Variants in ZNF415 observed in about 807,000 individuals in gnomAD.
ZNF415 encodes zinc finger protein 415.
Under a neutral mutation model 7.3 loss-of-function variants are expected in ZNF415, and 5 were observed. The ratio of observed to expected loss-of-function variants is 0.69; its 90% confidence interval spans 0.36 to 1.44. The LOEUF is 1.44. Ranked by LOEUF, ZNF415 falls within the 40% of genes most tolerant of loss-of-function variation. The pLI is 0.04. For missense variants in ZNF415, 628 were observed against 664.8 expected, an observed-to-expected ratio of 0.94 and a Z score of 0.61; for synonymous variants, 207 against 226.3, an observed-to-expected ratio of 0.91 and a Z score of 0.77.
At chr19:53,112,651 A>C (rs1379339573) in intron 3 of ZNF415, among the ~76,000 whole-genome samples, 1 of 152,244 alleles carries the variant, frequency 6.6e-6, no homozygotes, top group African/African-American at 2.4e-5. Flanking sequence ...CTAAAAAGCA[A>C]CAGTATATTC....
chr19:53,127,532 C>G (rs2089355822), intron 1 of ZNF415, among the ~76,000 whole-genome samples: 1 of 152,188 alleles, frequency 6.6e-6, no homozygotes, highest in South Asian at 2.1e-4. Context: ...ATCCTAATAT[C>G]TTCCAAGAAA....
rs768818058 is a variant in ZNF415, at chr19:53,116,315, A to T, written c.134T>A (p.Leu45Gln). The change falls in exon 3 of 4, where the codon CTG (leucine) becomes CAG (glutamine). Residue 45 changes from leucine to glutamine, a missense_variant and splice_region_variant. Coordinates refer to ENST00000243643, the MANE Select transcript of ZNF415 (RefSeq NM_018355.4). ...TTCTGGAAGAAAATTATCCTCACCC[A>T]GGGAGACCAGGTTCCTGTAGTTCTC... ...MLENYRNLVSLDLSRNCVIKE... is the reference protein window; with the variant it reads ...MLENYRNLVSQDLSRNCVIKE... 1.2e-6 allele frequency: 2 copies of T among 1,607,952 alleles called. No individual in the cohort carries two copies. The highest frequency in any genetic ancestry group is 8.5e-7 in the Non-Finnish European group (1 of 1,178,394).
At chr19:53,111,635 G>A (rs1335241481) in intron 3 of ZNF415, among the ~76,000 whole-genome samples, 4 of 151,892 alleles carry the variant, frequency 2.6e-5, no homozygotes, top group South Asian at 4.1e-4. Flanking sequence ...GAGCCACTGC[G>A]CCCGGCCCGC....
chr19:53,108,421 G>A lies in ZNF415; in HGVS notation c.1624C>T (p.His542Tyr). The change falls in exon 4 of 4, where the codon CAT (histidine) becomes TAT (tyrosine). Residue 542 changes from histidine (H) to tyrosine (Y), a missense_variant. His to Tyr is a moderately conservative substitution (Grantham distance 83, BLOSUM62 2). Coordinates refer to ENST00000243643, the MANE Select transcript of ZNF415 (RefSeq NM_018355.4). ...TTCTCCTTAGTATGGATAATTTGATGTCTGAAGAGGTTTGGGCGCACACTA... is the reference window on the plus strand; with the variant it reads ...TTCTCCTTAGTATGGATAATTTGATATCTGAAGAGGTTTGGGCGCACACTA... ...SFSVRPNLFR[H>Y]QIIHTKEKPY... 1 of 1,614,038 alleles carries A rather than the reference G, an allele frequency of 6.2e-7. No individual in the cohort carries two copies. The highest frequency in any genetic ancestry group is 1.3e-5 in the African/African-American group (1 of 75,054).
At chr19:53,113,473 C>T (rs1442767461) in intron 3 of ZNF415, among the ~76,000 whole-genome samples, 2 of 22,602 alleles carry the variant, frequency 8.8e-5, no homozygotes, top group Non-Finnish European at 1.6e-4. Flanking sequence ...CGCCACTGCA[C>T]TCCAGCCTGG....
intron 1 of ZNF415, among the ~76,000 whole-genome samples, chr19:53,127,033 A>G (rs1165018101): frequency 8.0e-6 from 1 of 125,188 alleles, no homozygotes; most frequent in Non-Finnish European, 1.7e-5. Flanking sequence ...AGAATGTGGC[A>G]GCTTTATCTT....
intron 2 of ZNF415, among the ~76,000 whole-genome samples, chr19:53,119,514 G>A (rs1240084123): frequency 7.1e-6 from 1 of 140,548 alleles, no homozygotes; most frequent in African/African-American, 2.6e-5. Flanking sequence ...AACTAAGAAA[G>A]CAAGAACAAA....
intron 1 of ZNF415, chr19:53,129,609 C>T: frequency 2.5e-6 from 1 of 399,688 alleles, no homozygotes; most frequent in Admixed American, 4.4e-5. Context: ...TCCCTTATCT[C>T]TGTTACAGGT....
chr19:53,115,015 C>T (rs1223515363), intron 3 of ZNF415, among the ~76,000 whole-genome samples: 1 of 152,020 alleles, frequency 6.6e-6, no homozygotes, highest in African/African-American at 2.4e-5. Flanking sequence ...ATATGGAGAG[C>T]GAACTGAGCA....
At chr19:53,118,726 TA>T (rs879681403) in intron 2 of ZNF415, among the ~76,000 whole-genome samples, 152 of 143,442 alleles carry the variant, frequency 1.1e-3, no homozygotes, top group Admixed American at 9.8e-4. Flanking sequence ...AGGGGGAAAT[TA>T]AAAAAAAAAA....
chr19:53,129,170 A>G (rs2089700307), intron 1 of ZNF415, among the ~76,000 whole-genome samples: 1 of 152,166 alleles, frequency 6.6e-6, no homozygotes, highest in Non-Finnish European at 1.5e-5. Flanking sequence ...AAGGGTTTTG[A>G]CATTTGGGAA....
chr19:53,123,374 G>C (rs13346801), intron 1 of ZNF415: 34,521 of 396,758 alleles, frequency 0.087, 1,586 homozygotes, highest in East Asian at 0.11. Context: ...GCATGCAGAG[G>C]AGGTAATATG....
chr19:53,117,834 G>A (rs2087305290), intron 2 of ZNF415, among the ~76,000 whole-genome samples: 1 of 152,072 alleles, frequency 6.6e-6, no homozygotes, highest in Non-Finnish European at 1.5e-5. Context: ...AAGGAAAGGA[G>A]TCAAATGTAA....
At chr19:53,115,659 A>G in intron 3 of ZNF415, 1 of 1,407,874 alleles carries the variant, frequency 7.1e-7, no homozygotes, top group Non-Finnish European at 9.8e-7. Context: ...GTTTCCAAAC[A>G]TAGTGTAATG....
intron 1 of ZNF415, among the ~76,000 whole-genome samples, chr19:53,123,033 C>G (rs1386977594): frequency 6.6e-6 from 1 of 152,186 alleles, no homozygotes; most frequent in Non-Finnish European, 1.5e-5. Context: ...GCACAGCCCC[C>G]TTTCCCTCTC....
chr19:53,131,965 C>T (rs1266761346), intron 1 of ZNF415, among the ~76,000 whole-genome samples: 1 of 152,042 alleles, frequency 6.6e-6, no homozygotes, highest in African/African-American at 2.4e-5. Flanking sequence ...TCTGCCCTGG[C>T]TCCAAATCCC....
intron 1 of ZNF415, among the ~76,000 whole-genome samples, chr19:53,130,974 G>A (rs533716402): frequency 5.0e-4 from 75 of 150,342 alleles, no homozygotes; most frequent in African/African-American, 3.9e-4. Context: ...TTTGAGCAAC[G>A]TTGTCCAATC....
intron 2 of ZNF415, among the ~76,000 whole-genome samples, chr19:53,118,539 T>C (rs980840249): frequency 6.6e-6 from 1 of 152,250 alleles, no homozygotes; most frequent in African/African-American, 2.4e-5. Context: ...ACAGACTACA[T>C]ATTAGAACAC....
intron 1 of ZNF415, among the ~76,000 whole-genome samples, chr19:53,130,290 T>A (rs976367519): frequency 6.6e-6 from 1 of 152,132 alleles, no homozygotes; most frequent in Admixed American, 6.5e-5. Context: ...CAGGTACACA[T>A]TGAAACAATC....
Sources: allele counts gnomAD v4.1 joint callset (sites outside exome capture counted in the v4.1 genomes callset), GRCh38; gene constraint gnomAD v4.1.1; transcripts MANE v1.5; gene names NCBI Gene and HGNC (gene_info 2026-07-23, HGNC 2026-07-21).